The following PRKCZ variants were observed in gnomAD, a reference collection of about 807,000 sequenced individuals.
The protein encoded by PRKCZ is protein kinase C zeta.
In PRKCZ, 33 loss-of-function variants were observed where a neutral mutation model predicts 79.5. That is an observed-to-expected ratio of 0.41 (90% CI 0.31 to 0.55). The LOEUF is 0.55. PRKCZ is among the 20% of genes least tolerant of loss of function. The probability of loss-of-function intolerance (pLI) is 0.19; values close to 1 mark genes in which losing one functional copy is unlikely to be tolerated. For synonymous variants in PRKCZ, 342 were observed against 320.9 expected, an observed-to-expected ratio of 1.07 and a Z score of -0.70; for missense variants, 578 against 813.5, an observed-to-expected ratio of 0.71 and a Z score of 3.52.
intron 4 of PRKCZ, among the ~76,000 whole-genome samples, chr1:2,098,713 G>C (rs888962585): frequency 2.0e-4 from 30 of 151,954 alleles, no homozygotes; most frequent in African/African-American, 7.3e-4. Context: ...ACAGAGTCTC[G>C]CTCTGTCGCC....
At chr1:2,052,469 C>T (rs1028255534) in intron 1 of PRKCZ, among the ~76,000 whole-genome samples, 3 of 151,262 alleles carry the variant, frequency 2.0e-5, no homozygotes, top group African/African-American at 7.3e-5. Context: ...CCTCCTCTTC[C>T]CGCTCTCCCC....
At chr1:2,169,029 C>A in intron 10 of PRKCZ, 1 of 398,220 alleles carries the variant, frequency 2.5e-6, no homozygotes, top group Non-Finnish European at 5.2e-6. Flanking sequence ...TTCTCCCTGA[C>A]CCCAGCTTGT....
At chr1:2,119,789 C>T (rs1282673042) in intron 4 of PRKCZ, among the ~76,000 whole-genome samples, 4 of 136,418 alleles carry the variant, frequency 2.9e-5, no homozygotes, top group Admixed American at 2.2e-4. Flanking sequence ...CTTTTCTTTT[C>T]TTTTTTTTTT....
intron 8 of PRKCZ, among the ~76,000 whole-genome samples, chr1:2,150,210 G>C (rs1455086442): frequency 6.7e-6 from 1 of 149,240 alleles, no homozygotes; most frequent in East Asian, 1.9e-4. Context: ...GCACAGAACA[G>C]CACCTCCCAA....
intron 10 of PRKCZ, among the ~76,000 whole-genome samples, chr1:2,159,467 T>C (rs1200209207): frequency 6.6e-6 from 1 of 152,230 alleles, no homozygotes; most frequent in South Asian, 2.1e-4. Context: ...ACTCCTTCGC[T>C]CTGGGCGGCC....
intron 4 of PRKCZ, chr1:2,073,685 G>C (rs1292070287): frequency 2.2e-5 from 22 of 991,810 alleles, no homozygotes; most frequent in African/African-American, 5.2e-5. Flanking sequence ...ACAGCTTCCC[G>C]GGGGAGCCGG....
rs749050918 is a variant in PRKCZ at position 2,173,884 on chromosome 1, T to C, written c.1286-13T>C. The C allele has an allele frequency of 4.4e-5, 69 of 1,585,424 alleles. No individual in the cohort carries two copies. The highest frequency in any genetic ancestry group is 5.5e-5 in the Non-Finnish European group (64 of 1,163,438). The stretch of plus-strand genomic sequence containing the variant: ...GTGGCCCCACTCGGTGATGGCTGTG[T>C]GCTCTCCCCCAGGGTTCAGCGTGGA... On this transcript the variant is annotated splice_polypyrimidine_tract_variant and intron_variant, in intron 13 of 17. Coordinates refer to ENST00000378567, the MANE Select transcript of PRKCZ (RefSeq NM_002744.6). This position sits in a 1 kb window ranked among gnomAD's most constrained non-coding sequence, Gnocchi z 5.7.
At chr1:2,084,621 G>A (rs1202371371) in intron 4 of PRKCZ, among the ~76,000 whole-genome samples, 1 of 152,232 alleles carries the variant, frequency 6.6e-6, no homozygotes, top group South Asian at 2.1e-4. Flanking sequence ...GGGGCATGGA[G>A]GCGTTCTGCA....
At chr1:2,104,392 C>G (rs1005665594) in intron 4 of PRKCZ, among the ~76,000 whole-genome samples, 1 of 152,192 alleles carries the variant, frequency 6.6e-6, no homozygotes, top group Non-Finnish European at 1.5e-5. Context: ...AGTGCTTGCC[C>G]CAGAGCTGCA....
At chr1:2,062,278 A>G (rs1660746434) in intron 4 of PRKCZ, among the ~76,000 whole-genome samples, 2 of 151,408 alleles carry the variant, frequency 1.3e-5, no homozygotes, top group Admixed American at 1.3e-4. Flanking sequence ...CCCCAGCCCC[A>G]CCTCCGCTCA....
At chr1:2,081,158 C>A (rs751537530) in intron 4 of PRKCZ, among the ~76,000 whole-genome samples, 1 of 152,228 alleles carries the variant, frequency 6.6e-6, no homozygotes, top group African/African-American at 2.4e-5. Flanking sequence ...AAGTTTTGCA[C>A]GGGACTTGTA....
chr1:2,090,954 CATCTTTTCA>C (rs1238904392), intron 4 of PRKCZ, among the ~76,000 whole-genome samples: 1 of 152,212 alleles, frequency 6.6e-6, no homozygotes, highest in Non-Finnish European at 1.5e-5. Flanking sequence ...TCTTAAATAT[CATCTTTTCA>C]AACTGCCACA....
rs1364854089 is a variant in PRKCZ, at chr1:2,094,154, G to A, written c.334+34563G>A. Among the ~76,000 whole-genome samples the A allele has an allele frequency of 1.3e-5, 2 of 152,050 alleles. No homozygotes were observed. The highest frequency in any genetic ancestry group is 1.9e-4 in the East Asian group (1 of 5,186). On this transcript the variant is annotated intron_variant, in intron 4 of 17. Transcript: ENST00000378567. This position sits in a 1 kb window ranked among gnomAD's most constrained non-coding sequence, Gnocchi z 7.3. ...ATGCACAACCTCAGAGCCCTCCGTC[G>A]CCATCCCTCCCCCGTCCCGGGAGCA...
chr1:2,070,008 C>G (rs1360497459), intron 4 of PRKCZ, among the ~76,000 whole-genome samples: 1 of 152,152 alleles, frequency 6.6e-6, no homozygotes, highest in Non-Finnish European at 1.5e-5. Context: ...CCAGACCCTG[C>G]TGAGGGCAGC....
Position 2,055,578 on chromosome 1 carries a change from T to C in PRKCZ, c.193+16T>C, listed in dbSNP as rs779040739. On this transcript the variant is annotated intron_variant, in intron 2 of 17. Transcript: ENST00000378567. ...GACAGCGAAGGTAGCCCTTGTCCCA[T>C]GTTGGCCAGAATCCTCAGCCTCAGG... 3 of 1,609,106 alleles carry C rather than the reference T, an allele frequency of 1.9e-6. No homozygotes were observed. Among genetic ancestry groups the C allele is most frequent in the East Asian group, 2.2e-5 (1 of 44,758 alleles).
At chr1:2,071,247 C>T (rs1661555347) in intron 4 of PRKCZ, 6 of 342,008 alleles carry the variant, frequency 1.8e-5, no homozygotes, top group South Asian at 1.1e-4. Flanking sequence ...AGAGGAGCTC[C>T]TGGAACATAG....
chr1:2,117,266 A>G (rs1207310841), intron 4 of PRKCZ, among the ~76,000 whole-genome samples: 1 of 151,956 alleles, frequency 6.6e-6, no homozygotes, highest in African/African-American at 2.4e-5. Context: ...TCTTTCAATA[A>G]TATTTTGTAG....
At chr1:2,067,089 C>T (rs991817611) in intron 4 of PRKCZ, among the ~76,000 whole-genome samples, 1 of 152,144 alleles carries the variant, frequency 6.6e-6, no homozygotes, top group Non-Finnish European at 1.5e-5. Context: ...TGTTTTCTTT[C>T]TGTTAACTGA....
At chr1:2,106,758 T>C (rs7514664) in intron 4 of PRKCZ, among the ~76,000 whole-genome samples, 7,816 of 28,964 alleles carry the variant, frequency 0.27, 1,605 homozygotes, top group East Asian at 0.42. Flanking sequence ...CAAGCCCCTC[T>C]GGTGGGCGAG....
Sources: allele counts gnomAD v4.1 joint callset (sites outside exome capture counted in the v4.1 genomes callset), GRCh38; gene constraint gnomAD v4.1.1; non-coding constraint Gnocchi (gnomAD v3.1); transcripts MANE v1.5; gene names NCBI Gene and HGNC (gene_info 2026-07-23, HGNC 2026-07-21).